The following CDK5RAP2 variants were observed in gnomAD, a reference collection of about 807,000 sequenced individuals.
CDK5RAP2 encodes CDK5 regulatory subunit associated protein 2.
In CDK5RAP2, 147 loss-of-function variants were observed where a neutral mutation model predicts 232.9. That is an observed-to-expected ratio of 0.63 (90% CI 0.55 to 0.72). The LOEUF (loss-of-function observed/expected upper bound fraction) is 0.72, where lower values mean the gene tolerates loss of function less well. Ranked by LOEUF, CDK5RAP2 falls within the 30% of genes least tolerant of loss-of-function variation. The probability of loss-of-function intolerance (pLI) is 0.00; values close to 1 mark genes in which losing one functional copy is unlikely to be tolerated. For missense variants in CDK5RAP2, 2,195 were observed against 2,231.5 expected, an observed-to-expected ratio of 0.98 and a Z score of 0.33; for synonymous variants, 833 against 833.7, an observed-to-expected ratio of 1.00 and a Z score of 0.01.
rs192845751 is a variant in CDK5RAP2, at chr9:120,437,372, C to T, written c.3878G>A (p.Cys1293Tyr). 7.4e-6 allele frequency: 12 copies of T among 1,614,160 alleles called. No individual in the cohort carries two copies. The Admixed American group carries it at 1.5e-4, about 20-fold the overall frequency. Residue 1293 changes from cysteine (C) to tyrosine (Y), a missense_variant, in exon 25 of 38, where the codon TGT (cysteine) becomes TAT (tyrosine). Coordinates refer to ENST00000349780, the MANE Select transcript of CDK5RAP2 (RefSeq NM_018249.6). ...CTGTTCCTGGAAACCCTCGGCCACA[C>T]AGTAATCCACATCACTGGCCTGCAG... ...ELLQASDVDY[C>Y]VAEGFQEQLN... is the part of the protein sequence containing the mutation.
intron 26 of CDK5RAP2, 48 bp from the exon 27 acceptor site, chr9:120,420,008 C>A: frequency 1.4e-6 from 2 of 1,465,928 alleles, no homozygotes; most frequent in Non-Finnish European, 1.9e-6. Flanking sequence ...GCTAAAATCC[C>A]AAGCCAGGAC....
chr9:120,417,203 C>CCCCA (rs2034278027), intron 27 of CDK5RAP2, among the ~76,000 whole-genome samples: 1 of 151,662 alleles, frequency 6.6e-6, no homozygotes, highest in Non-Finnish European at 1.5e-5. Flanking sequence ...CACTGCACCT[C>CCCCA]CGTGCTCCTT....
chr9:120,447,837 G>C, intron 22 of CDK5RAP2, 58 bp downstream of exon 22: 1 of 1,188,356 alleles, frequency 8.4e-7, no homozygotes, highest in Non-Finnish European at 1.3e-6. Flanking sequence ...GACATTTCAA[G>C]CAGTTCTATC....
chr9:120,493,091 T>C (rs956236216), intron 12 of CDK5RAP2, among the ~76,000 whole-genome samples: 2 of 152,194 alleles, frequency 1.3e-5, no homozygotes, highest in African/African-American at 4.8e-5. Flanking sequence ...TATGCAAATA[T>C]ATCACTGGTT....
chr9:120,443,732 A>AG lies in CDK5RAP2; in HGVS notation c.3035dup (p.Val1013CysfsTer16), dbSNP rs2036028051. 1 of 1,614,070 alleles carries AG rather than the reference A, an allele frequency of 6.2e-7. No individual in the cohort carries two copies. Among genetic ancestry groups the AG allele is most frequent in the South Asian group, 1.1e-5 (1 of 91,090 alleles). ...GGCTGTCCTGGTAGGCTGCTCCCAC[A>AG]GGGGGCTGAGCTACAGGCAATCACA... is the stretch of plus-strand genomic sequence containing the variant. On this transcript the variant is annotated frameshift_variant, in exon 23 of 38. Coordinates refer to ENST00000349780, the MANE Select transcript of CDK5RAP2 (RefSeq NM_018249.6). LOFTEE classifies it high-confidence loss of function.
At chr9:120,569,449 G>C (rs1189073699) in intron 2 of CDK5RAP2, among the ~76,000 whole-genome samples, 3 of 152,192 alleles carry the variant, frequency 2.0e-5, no homozygotes, top group African/African-American at 4.8e-5. Flanking sequence ...TTTTAGGTAA[G>C]GTGGTTAAGG....
chr9:120,420,870 G>A (rs1483807856), intron 26 of CDK5RAP2, among the ~76,000 whole-genome samples: 3 of 152,204 alleles, frequency 2.0e-5, no homozygotes, highest in Middle Eastern at 3.2e-3. Flanking sequence ...CCACTTAATT[G>A]ACTTAGAAGT....
chr9:120,404,166 G>C (rs1264138991), intron 32 of CDK5RAP2, 53 bp from the exon 33 acceptor site: 34 of 1,139,720 alleles, frequency 3.0e-5, no homozygotes, highest in Non-Finnish European at 4.3e-5. Flanking sequence ...CAGCATTCAA[G>C]AGAGAACTGA....
chr9:120,532,696 T>C (rs891451147), intron 7 of CDK5RAP2: 17 of 152,490 alleles, frequency 1.1e-4, no homozygotes, highest in African/African-American at 3.9e-4. Context: ...ATCTGACTGC[T>C]GCACTGATCT....
intron 13 of CDK5RAP2, among the ~76,000 whole-genome samples, chr9:120,489,546 T>C (rs770349952): frequency 6.6e-6 from 1 of 152,144 alleles, no homozygotes; most frequent in Non-Finnish European, 1.5e-5. Flanking sequence ...TTTTTATTTG[T>C]TTAGTTCTAT....
chr9:120,530,517 T>C (rs999499670), intron 7 of CDK5RAP2, among the ~76,000 whole-genome samples: 1 of 152,216 alleles, frequency 6.6e-6, no homozygotes, highest in African/African-American at 2.4e-5. Flanking sequence ...GAAGCAGAGC[T>C]GTTCCGATAA....
chr9:120,463,407 C>G (rs1481873670), intron 18 of CDK5RAP2, among the ~76,000 whole-genome samples: 2 of 152,080 alleles, frequency 1.3e-5, no homozygotes, highest in Non-Finnish European at 2.9e-5. Context: ...AAGTCTCCCC[C>G]TGATTCCCCA....
chr9:120,470,525 T>A (rs2037638473), intron 16 of CDK5RAP2, among the ~76,000 whole-genome samples: 1 of 152,236 alleles, frequency 6.6e-6, no homozygotes. Context: ...CCATTCTGAA[T>A]GGCACAAGAA....
At chr9:120,411,040 C>A (rs1185639872) in intron 29 of CDK5RAP2, among the ~76,000 whole-genome samples, 6 of 152,178 alleles carry the variant, frequency 3.9e-5, no homozygotes, top group Admixed American at 2.6e-4. Context: ...ATGAGAGACA[C>A]GTGGCTACAG....
chr9:120,536,688 G>A, intron 6 of CDK5RAP2, 162 bp from the exon 7 acceptor site: 1 of 773,846 alleles, frequency 1.3e-6, no homozygotes, highest in East Asian at 2.7e-5. Flanking sequence ...AAATACATTT[G>A]CCAGCCATTT....
chr9:120,412,330 C>T (rs961230241), intron 28 of CDK5RAP2, among the ~76,000 whole-genome samples: 9 of 152,232 alleles, frequency 5.9e-5, no homozygotes, highest in African/African-American at 2.2e-4. Context: ...GTCCTCCACA[C>T]TCACTGAGTC....
chr9:120,403,862 G>A lies in CDK5RAP2; in HGVS notation c.5041+174C>T, dbSNP rs1489905307. On this transcript the variant is annotated intron_variant, in intron 33 of 37. Transcript: ENST00000349780. The surrounding 1 kb of genome is among the most constrained non-coding windows in gnomAD (Gnocchi z 4.2). ...CTAACCTTGGTAACACCTAGGAGTG[G>A]ATTAACTGGCTTGAAGGAGAAGATC... Among the ~76,000 whole-genome samples, 1 of 152,200 alleles carries A rather than the reference G, an allele frequency of 6.6e-6. No individual in the cohort carries two copies. Among genetic ancestry groups the A allele is most frequent in the Non-Finnish European group, 1.5e-5 (1 of 68,036 alleles).
chr9:120,448,111 G>A lies in CDK5RAP2; in HGVS notation c.2809C>T (p.Arg937Cys), dbSNP rs765001818. ...GITNREAKKS[R>C]LPILIKPSRS... The stretch of plus-strand genomic sequence containing the variant: ...GATGGTTTTATTAGGATTGGCAAGC[G>A]GGACTTCTTAGCCTCCTGAAAACAC... Residue 937 changes from arginine to cysteine, a missense_variant, in exon 22 of 38, where the codon CGC becomes TGC. Arg to Cys is a radical substitution (Grantham distance 180). Transcript: ENST00000349780. The A allele has an allele frequency of 1.1e-5, 18 of 1,613,766 alleles. No individual in the cohort carries two copies. Among genetic ancestry groups the A allele is most frequent in the Admixed American group, 8.3e-5 (5 of 59,998 alleles).
chr9:120,401,027 A>G (rs2032964936), intron 34 of CDK5RAP2, 142 bp from the exon 35 acceptor site: 1 of 777,540 alleles, frequency 1.3e-6, no homozygotes, highest in African/African-American at 1.7e-5. Flanking sequence ...CATAACACCA[A>G]TTTATTGTTC....
Sources: allele counts gnomAD v4.1 joint callset (sites outside exome capture counted in the v4.1 genomes callset), GRCh38; gene constraint gnomAD v4.1.1; non-coding constraint Gnocchi (gnomAD v3.1); transcripts MANE v1.5; gene names NCBI Gene and HGNC (gene_info 2026-07-23, HGNC 2026-07-21).